Variants in ACYP2 observed in about 807,000 individuals in gnomAD.
ACYP2 encodes the protein acylphosphatase 2, also known as acylphosphatase-2.
ACYP2 carries 12 observed loss-of-function variants against 11.2 expected under a neutral mutation model. That is an observed-to-expected ratio of 1.08 (90% CI 0.69 to 1.74). The LOEUF (loss-of-function observed/expected upper bound fraction) is 1.74. Ranked by LOEUF, ACYP2 falls within the 40% of genes most tolerant of loss-of-function variation. The pLI is 0.00. For missense variants in ACYP2, 134 were observed against 101.9 expected (o/e 1.31, Z -1.35); for synonymous variants, 43 against 32.2 (o/e 1.33, Z -1.13).
chr2:54,049,958 C>G (rs1573608591), intron 2 of ACYP2, among the ~76,000 whole-genome samples: 1 of 152,186 alleles, frequency 6.6e-6, no homozygotes, highest in Non-Finnish European at 1.5e-5. Context: ...AAAGCCAAAT[C>G]TATGCACAAG....
intron 4 of ACYP2, among the ~76,000 whole-genome samples, chr2:54,125,131 A>G (rs944834287): frequency 2.0e-5 from 3 of 152,182 alleles, no homozygotes; most frequent in Admixed American, 2.0e-4. Context: ...AAAAAACTCA[A>G]AACAGTATAG....
intron 2 of ACYP2, among the ~76,000 whole-genome samples, chr2:54,007,413 C>A (rs1318296305): frequency 1.3e-5 from 2 of 151,908 alleles, no homozygotes; most frequent in East Asian, 4.0e-4. Context: ...GCCACCATGC[C>A]TGGCTAATTT....
chr2:54,218,358 G>T (rs1414975474), intron 6 of ACYP2, among the ~76,000 whole-genome samples: 1 of 152,052 alleles, frequency 6.6e-6, no homozygotes, highest in Non-Finnish European at 1.5e-5. Context: ...TTGTATACCT[G>T]TGCTTAGTAA....
chr2:54,083,182 C>A (rs908824003), intron 4 of ACYP2, among the ~76,000 whole-genome samples: 5 of 152,174 alleles, frequency 3.3e-5, no homozygotes, highest in Non-Finnish European at 7.3e-5. Context: ...TGTCGATTCC[C>A]AGCAACAGGA....
intron 6 of ACYP2, among the ~76,000 whole-genome samples, chr2:54,152,085 C>A (rs1682200760): frequency 6.9e-6 from 1 of 145,430 alleles, no homozygotes. Context: ...TTATTAATAA[C>A]TAAGCTGATA....
chr2:54,002,630 C>T (rs931509444), intron 2 of ACYP2, among the ~76,000 whole-genome samples: 1 of 149,564 alleles, frequency 6.7e-6, no homozygotes, highest in Admixed American at 6.6e-5. Context: ...TAGGCATGAG[C>T]TACCATGCCT....
intron 4 of ACYP2, among the ~76,000 whole-genome samples, chr2:54,061,858 G>A (rs904045477): frequency 6.6e-6 from 1 of 152,096 alleles, no homozygotes; most frequent in African/African-American, 2.4e-5. Context: ...AGGATTGCTT[G>A]AGCCCAAGAG....
At chr2:54,226,014 G>A (rs1685996835) in intron 6 of ACYP2, among the ~76,000 whole-genome samples, 1 of 152,086 alleles carries the variant, frequency 6.6e-6, no homozygotes, top group Admixed American at 6.5e-5. Flanking sequence ...TAGATTTGCT[G>A]GTTTGGTGTC....
At chr2:54,003,999 T>C (rs952006296) in intron 2 of ACYP2, among the ~76,000 whole-genome samples, 5 of 152,166 alleles carry the variant, frequency 3.3e-5, no homozygotes, top group African/African-American at 7.2e-5. Flanking sequence ...TGTTTTTTTT[T>C]CTGAGATGGA....
intron 4 of ACYP2, among the ~76,000 whole-genome samples, chr2:54,112,844 T>A (rs191038971): frequency 6.6e-6 from 1 of 152,306 alleles, no homozygotes; most frequent in East Asian, 1.9e-4. Flanking sequence ...ACACAGCAAA[T>A]TTTTCAGCTA....
At chr2:54,046,519 C>T (rs568035044) in intron 2 of ACYP2, among the ~76,000 whole-genome samples, 1 of 148,346 alleles carries the variant, frequency 6.7e-6, no homozygotes, top group Admixed American at 6.7e-5. Context: ...TTGAGAAATA[C>T]ATGTTGTTTG....
At chr2:54,201,662 CTTTCTTTCTTTCTTTCTT>C (rs1345645812) in intron 6 of ACYP2, among the ~76,000 whole-genome samples, 42 of 80,408 alleles carry the variant, frequency 5.2e-4, no homozygotes, top group African/African-American at 1.5e-3. Context: ...TTCTTTCTTT[CTTTCTTTCTTTCTTTCTT>C]TCTCTCTCTC....
intron 3 of ACYP2, chr2:54,051,106 C>T: frequency 1.6e-6 from 1 of 620,206 alleles, no homozygotes; most frequent in Non-Finnish European, 2.9e-6. Context: ...CAATGGCTCT[C>T]ACAGCCATTG....
intron 6 of ACYP2, chr2:54,256,123 G>T (rs540580273): frequency 6.2e-7 from 1 of 1,613,912 alleles, no homozygotes; most frequent in African/African-American, 1.3e-5. Context: ...GAGAGTAGCG[G>T]GGCTGTGAGG....
intron 6 of ACYP2, among the ~76,000 whole-genome samples, chr2:54,252,025 C>T (rs1162549149): frequency 2.0e-5 from 3 of 152,174 alleles, no homozygotes; most frequent in Non-Finnish European, 2.9e-5. Flanking sequence ...TGTCTCTGAC[C>T]TAGCATGTAA....
At chr2:54,069,784 G>C (rs1197920666) in intron 4 of ACYP2, among the ~76,000 whole-genome samples, 2 of 152,228 alleles carry the variant, frequency 1.3e-5, no homozygotes, top group African/African-American at 4.8e-5. Flanking sequence ...GAATATGCTA[G>C]TTGGCCACTA....
chr2:54,208,056 T>G (rs964441101), intron 6 of ACYP2, among the ~76,000 whole-genome samples: 1 of 152,192 alleles, frequency 6.6e-6, no homozygotes, highest in Non-Finnish European at 1.5e-5. Flanking sequence ...GGTCTGCATG[T>G]GATTTGCTGT....
intron 6 of ACYP2, chr2:54,143,424 T>A (rs1681707894): frequency 6.6e-6 from 1 of 152,148 alleles, no homozygotes; most frequent in Non-Finnish European, 1.5e-5. Flanking sequence ...ATAAGTCACG[T>A]AAGGTTTTTG....
intron 6 of ACYP2, among the ~76,000 whole-genome samples, chr2:54,304,232 G>C (rs941816242): frequency 2.0e-5 from 3 of 149,820 alleles, no homozygotes; most frequent in Non-Finnish European, 2.9e-5. Context: ...GTGTGTGTGT[G>C]TGTGTGTGTG....
Sources: allele counts gnomAD v4.1 joint callset (sites outside exome capture counted in the v4.1 genomes callset), GRCh38; gene constraint gnomAD v4.1.1; transcripts MANE v1.5; gene names NCBI Gene and HGNC (gene_info 2026-07-23, HGNC 2026-07-21).